Variants in RHOT1 observed in about 807,000 individuals in gnomAD.
The protein encoded by RHOT1 is mitochondrial Rho GTPase 1.
In RHOT1, 27 loss-of-function variants were observed where a neutral mutation model predicts 95.3. That is an observed-to-expected ratio of 0.28 (90% confidence interval 0.21 to 0.39). The LOEUF (loss-of-function observed/expected upper bound fraction) is 0.39. RHOT1 is among the 10% of genes least tolerant of loss of function. The pLI is 1.00. For synonymous variants in RHOT1, 227 were observed against 263.5 expected (o/e 0.86, Z 1.34); for missense variants, 578 against 786.7 (o/e 0.73, Z 3.17).
chr17:32,217,344 AAT>A (rs1196839927), intron 19 of RHOT1, among the ~76,000 whole-genome samples: 1 of 152,186 alleles, frequency 6.6e-6, no homozygotes, highest in African/African-American at 2.4e-5. Flanking sequence ...TATTTATCCT[AAT>A]ATATGTTTAT....
chr17:32,149,623 A>ATGTGTGTG (rs1304218827), intron 1 of RHOT1, among the ~76,000 whole-genome samples: 42 of 86,188 alleles, frequency 4.9e-4, no homozygotes, highest in African/African-American at 2.0e-3. Flanking sequence ...ATATATATAT[A>ATGTGTGTG]TATATATATA....
At chr17:32,181,779 C>T (rs186737158) in intron 6 of RHOT1, among the ~76,000 whole-genome samples, 11 of 152,252 alleles carry the variant, frequency 7.2e-5, no homozygotes, top group Admixed American at 2.0e-4. Flanking sequence ...CAATGACTTC[C>T]CATTTTACAC....
chr17:32,147,580 T>C (rs1183964007), intron 1 of RHOT1, among the ~76,000 whole-genome samples: 2 of 152,034 alleles, frequency 1.3e-5, no homozygotes, highest in Non-Finnish European at 2.9e-5. Flanking sequence ...TCCCACACTT[T>C]GGGAGGCCAA....
intron 2 of RHOT1, among the ~76,000 whole-genome samples, chr17:32,171,842 AC>A (rs963024541): frequency 2.6e-5 from 4 of 152,188 alleles, no homozygotes; most frequent in African/African-American, 9.7e-5. Flanking sequence ...ACCTTTGCCT[AC>A]CTCAAAGGAT....
At chr17:32,194,547 A>T (rs1485514012) in intron 11 of RHOT1, among the ~76,000 whole-genome samples, 1 of 152,146 alleles carries the variant, frequency 6.6e-6, no homozygotes, top group Non-Finnish European at 1.5e-5. Flanking sequence ...GTACCCTCTG[A>T]AGTGAAATTA....
intron 19 of RHOT1, among the ~76,000 whole-genome samples, chr17:32,216,846 C>T (rs939814307): frequency 3.9e-5 from 6 of 152,066 alleles, no homozygotes; most frequent in Non-Finnish European, 8.8e-5. Flanking sequence ...TGGGATATTA[C>T]GTTATAGTAA....
intron 17 of RHOT1, 125 bp downstream of exon 17, chr17:32,207,154 C>A: frequency 1.1e-6 from 1 of 873,984 alleles, no homozygotes; most frequent in Non-Finnish European, 1.7e-6. Context: ...ATACATACAT[C>A]TTTACCCTAT....
At chr17:32,221,092 G>C (rs943030281) in intron 19 of RHOT1, 3 of 979,020 alleles carry the variant, frequency 3.1e-6, no homozygotes, top group African/African-American at 1.8e-5. Flanking sequence ...AAGCGGCCAG[G>C]CGTGGTGGCT....
intron 11 of RHOT1, among the ~76,000 whole-genome samples, chr17:32,197,704 A>G (rs913527249): frequency 7.9e-5 from 12 of 152,152 alleles, no homozygotes; most frequent in African/African-American, 2.9e-4. Context: ...CTGGGATTAC[A>G]GGCGTGAGCC....
intron 1 of RHOT1, among the ~76,000 whole-genome samples, chr17:32,155,384 TCTC>T (rs953808280): frequency 3.9e-5 from 6 of 151,900 alleles, no homozygotes; most frequent in African/African-American, 1.5e-4. Context: ...ATGGTCTCGA[TCTC>T]CTGACCCTGT....
Position 32,176,198 on chromosome 17 carries a change from C to T in RHOT1, c.314C>T (p.Thr105Ile), listed in dbSNP as rs757524025. The part of the protein sequence containing the change: ...SRWIPLINER[T>I]DKDSRLPLIL... ...TGGATTCCTCTCATAAATGAAAGAACAGACAAAGACAGCAGGTATTTTTTC... is the reference window on the plus strand; with the variant it reads ...TGGATTCCTCTCATAAATGAAAGAATAGACAAAGACAGCAGGTATTTTTTC... The change falls in exon 6 of 20, where the codon ACA becomes ATA. Residue 105 changes from threonine to isoleucine, a missense_variant. Around this residue, in one of 4 missense-constraint regions of RHOT1, gnomAD observed 227 missense variants for 316.0 expected, o/e 0.72. Transcript: ENST00000545287. 21 of 1,608,476 alleles carry T rather than the reference C, an allele frequency of 1.3e-5. No homozygotes were observed. The highest frequency in any genetic ancestry group is 1.8e-5 in the Non-Finnish European group (21 of 1,178,368).
At chr17:32,184,793 C>T (rs1049820664) in intron 8 of RHOT1, among the ~76,000 whole-genome samples, 14 of 152,254 alleles carry the variant, frequency 9.2e-5, no homozygotes, top group East Asian at 3.9e-4. Context: ...TGTGAGCCAC[C>T]GCACCTGGCT....
Position 32,188,952 on chromosome 17 carries a change from C to T in RHOT1, c.541-3249C>T, listed in dbSNP as rs567522890. 1.9e-4 allele frequency among the ~76,000 whole-genome samples: 29 copies of T among 152,310 alleles called. No individual in the cohort carries two copies. The East Asian group carries it at 5.4e-3, about 28-fold the overall frequency. On this transcript the variant is annotated intron_variant, in intron 8 of 19. Transcript: ENST00000545287. Reference sequence around the variant, plus strand: ...TCTTCTTTCTAATTTACTCCGAATCCAGTATTTCCCAAACTTACCTCATCG... The same window carrying T: ...TCTTCTTTCTAATTTACTCCGAATCTAGTATTTCCCAAACTTACCTCATCG...
intron 19 of RHOT1, among the ~76,000 whole-genome samples, chr17:32,214,684 A>G (rs916723365): frequency 1.3e-5 from 2 of 152,102 alleles, no homozygotes; most frequent in Admixed American, 6.5e-5. Flanking sequence ...GTTGGTCACT[A>G]TTGGTTTCCT....
chr17:32,151,442 T>C, intron 1 of RHOT1: 1 of 630,142 alleles, frequency 1.6e-6, no homozygotes. Flanking sequence ...CACCTTCATG[T>C]TGGAATCATT....
chr17:32,168,248 C>T (rs1489892770), intron 1 of RHOT1, among the ~76,000 whole-genome samples: 5 of 152,088 alleles, frequency 3.3e-5, no homozygotes, highest in Admixed American at 3.3e-4. Flanking sequence ...CATGCACACA[C>T]ACACACACTC....
intron 1 of RHOT1, among the ~76,000 whole-genome samples, chr17:32,149,213 T>G (rs549002570): frequency 2.7e-4 from 41 of 152,084 alleles, no homozygotes; most frequent in Admixed American, 2.6e-3. Flanking sequence ...ATATTACATT[T>G]TATACATTTT....
At chr17:32,211,745 T>G (rs917461178) in intron 19 of RHOT1, among the ~76,000 whole-genome samples, 1 of 152,204 alleles carries the variant, frequency 6.6e-6, no homozygotes, top group African/African-American at 2.4e-5. Flanking sequence ...CTGGAGTGTT[T>G]ATTTGAAAGA....
chr17:32,206,441 CTTTTTTT>C (rs34176535), intron 16 of RHOT1, among the ~76,000 whole-genome samples: 74 of 67,000 alleles, frequency 1.1e-3, no homozygotes, highest in African/African-American at 2.0e-3. Context: ...TCTATACTTT[CTTTTTTT>C]TTTTTTTTTT....
Sources: gnomAD v4.1 joint callset for allele counts (sites outside exome capture counted in the v4.1 genomes callset) on GRCh38, gnomAD v4.1.1 for gene constraint, gnomAD v4.1.1 regional missense constraint, MANE v1.5 for transcripts, NCBI Gene and HGNC (gene_info 2026-07-23, HGNC 2026-07-21) for gene names.